Variants in NEDD9 observed in about 807,000 individuals in gnomAD.
NEDD9 encodes neural precursor cell expressed, developmentally down-regulated 9.
NEDD9 carries 26 observed loss-of-function variants against 76.6 expected under a neutral mutation model. That is an observed-to-expected ratio of 0.34 (90% confidence interval 0.25 to 0.47). The LOEUF (loss-of-function observed/expected upper bound fraction) is 0.47. NEDD9 is among the 20% of genes least tolerant of loss of function. The pLI, the probability that NEDD9 is intolerant of heterozygous loss-of-function variation, is 1.00. For missense variants in NEDD9, 937 were observed against 1,058.5 expected (o/e 0.89, Z 1.59); for synonymous variants, 392 against 414.2 (o/e 0.95, Z 0.65).
chr6:11,242,840 A>G (rs1206205196), intron 3 of NEDD9, among the ~76,000 whole-genome samples: 1 of 152,238 alleles, frequency 6.6e-6, no homozygotes, highest in Non-Finnish European at 1.5e-5. Flanking sequence ...TTTTAGAAAG[A>G]GATTTAGAGC....
At chr6:11,220,039 A>T (rs764906087) in intron 1 of NEDD9, among the ~76,000 whole-genome samples, 3 of 152,186 alleles carry the variant, frequency 2.0e-5, no homozygotes, top group Non-Finnish European at 4.4e-5. Context: ...ATAATATAAG[A>T]TATGCTAATT....
In NEDD9 at chr6:11,374,062, C is replaced by CTA. The variant is rs1343545865; in HGVS notation, c.-214+8076_-214+8077insTA. ...AAAATAAATCTCTCTCTCTCTCTCT[C>CTA]TCTCTATATATATATGTATATATAT... is the stretch of plus-strand genomic sequence containing the variant. On this transcript the variant is annotated intron_variant, in intron 1 of 3. Coordinates refer to the NEDD9 transcript ENST00000397378. 2.5e-3 allele frequency among the ~76,000 whole-genome samples: 373 copies of CTA among 151,512 alleles called. 1 individual carries two copies. Among genetic ancestry groups the CTA allele is most frequent in the African/African-American group, 8.4e-3 (345 of 41,010 alleles).
intron 3 of NEDD9, among the ~76,000 whole-genome samples, chr6:11,192,932 C>CAAAAAAAA (rs71550759): frequency 3.5e-5 from 1 of 28,172 alleles, no homozygotes; most frequent in East Asian, 1.1e-3. Flanking sequence ...GACTCTGTCT[C>CAAAAAAAA]AAAAAAAAAA....
At chr6:11,371,620 A>G (rs976724817) in intron 1 of NEDD9, among the ~76,000 whole-genome samples, 5 of 152,306 alleles carry the variant, frequency 3.3e-5, no homozygotes, top group African/African-American at 1.2e-4. Context: ...TTCTTTCTTC[A>G]ACTCAAATGT....
chr6:11,242,517 G>A (rs1581979493), intron 3 of NEDD9, among the ~76,000 whole-genome samples: 2 of 151,240 alleles, frequency 1.3e-5, no homozygotes, highest in South Asian at 4.2e-4. Flanking sequence ...TCTTCCCCCA[G>A]TTTTCATTTT....
At position 11,274,754 on chromosome 6, in the gene NEDD9, C is replaced by T. The variant is rs80044223; in HGVS notation, c.12+31238G>A. 9.7e-3 allele frequency among the ~76,000 whole-genome samples: 1,476 copies of T among 152,314 alleles called. 74 individuals carry two copies. In the East Asian group the frequency reaches 0.17, roughly 18 times the overall value. On this transcript the variant is annotated intron_variant, in intron 3 of 3. Transcript: ENST00000397378. ...GAAGATGTGAATAAAAGAACCCTTA[C>T]ACACGGCTGGGGAAAATGTACACTA...
intron 3 of NEDD9, among the ~76,000 whole-genome samples, chr6:11,271,088 C>T (rs1216222536): frequency 6.6e-6 from 1 of 152,210 alleles, no homozygotes; most frequent in Admixed American, 6.5e-5. Flanking sequence ...GGCTGGAATA[C>T]AGTGGTGCTA....
intron 3 of NEDD9, among the ~76,000 whole-genome samples, chr6:11,240,025 A>G (rs1190623647): frequency 6.8e-6 from 1 of 147,768 alleles, no homozygotes; most frequent in Non-Finnish European, 1.5e-5. Context: ...GCCTGGGGAC[A>G]GAGCGAGACT....
intron 1 of NEDD9, among the ~76,000 whole-genome samples, chr6:11,225,784 A>T (rs1759291146): frequency 6.8e-6 from 1 of 146,380 alleles, no homozygotes. Flanking sequence ...TACAGGTGTG[A>T]GCCACCGCGC....
intron 2 of NEDD9, among the ~76,000 whole-genome samples, chr6:11,316,318 A>G (rs947307545): frequency 6.6e-6 from 1 of 152,236 alleles, no homozygotes; most frequent in Non-Finnish European, 1.5e-5. Context: ...TCCCCAGCTC[A>G]GAGAACAAGA....
chr6:11,285,840 A>G (rs146926057), intron 3 of NEDD9, among the ~76,000 whole-genome samples: 74 of 152,332 alleles, frequency 4.9e-4, no homozygotes, highest in Middle Eastern at 3.4e-3. Context: ...CATATCTTTC[A>G]TTATATGAAT....
At chr6:11,351,526 C>T (rs1762469440) in intron 1 of NEDD9, among the ~76,000 whole-genome samples, 1 of 152,220 alleles carries the variant, frequency 6.6e-6, no homozygotes, top group South Asian at 2.1e-4. Flanking sequence ...GAAGGATTTC[C>T]TGACTTTCCC....
intron 1 of NEDD9, among the ~76,000 whole-genome samples, chr6:11,374,642 TA>T (rs1181335578): frequency 6.6e-6 from 1 of 152,180 alleles, no homozygotes; most frequent in African/African-American, 2.4e-5. Flanking sequence ...AAGGTGAATA[TA>T]AAAAATACAT....
intron 3 of NEDD9, among the ~76,000 whole-genome samples, chr6:11,257,636 G>C (rs1183989218): frequency 6.6e-6 from 1 of 152,102 alleles, no homozygotes; most frequent in African/African-American, 2.4e-5. Flanking sequence ...GGTCAACCTG[G>C]AAACACTGAG....
intron 3 of NEDD9, among the ~76,000 whole-genome samples, chr6:11,273,739 G>A (rs1273938229): frequency 2.0e-5 from 3 of 152,248 alleles, no homozygotes; most frequent in Non-Finnish European, 4.4e-5. Context: ...TAGGGCAACC[G>A]TGAGTAGAGC....
At chr6:11,220,074 G>C (rs1452364133) in intron 1 of NEDD9, among the ~76,000 whole-genome samples, 1 of 152,136 alleles carries the variant, frequency 6.6e-6, no homozygotes, top group African/African-American at 2.4e-5. Context: ...TTTGTCGACT[G>C]TGTTCTGACA....
At chr6:11,249,271 A>AGATGAAT (rs1418635471) in intron 3 of NEDD9, 28 of 430,158 alleles carry the variant, frequency 6.5e-5, no homozygotes, top group African/African-American at 4.3e-4. Context: ...TGTGAGTAAC[A>AGATGAAT]GAAAAACCCT....
At chr6:11,224,357 G>T (rs1407327039) in intron 1 of NEDD9, among the ~76,000 whole-genome samples, 1 of 152,200 alleles carries the variant, frequency 6.6e-6, no homozygotes, top group Non-Finnish European at 1.5e-5. Flanking sequence ...AGGCTGTCGG[G>T]CTGCGTTCAT....
intron 3 of NEDD9, among the ~76,000 whole-genome samples, chr6:11,238,617 C>A (rs1199630644): frequency 6.6e-6 from 1 of 152,180 alleles, no homozygotes; most frequent in African/African-American, 2.4e-5. Flanking sequence ...CTCTGCTTAC[C>A]TACATCCTAT....
Sources: gnomAD v4.1 joint callset for allele counts (sites outside exome capture counted in the v4.1 genomes callset) on GRCh38, gnomAD v4.1.1 for gene constraint, MANE v1.5 for transcripts, NCBI Gene and HGNC (gene_info 2026-07-23, HGNC 2026-07-21) for gene names.